The following WDR49 variants were observed in gnomAD, a reference collection of about 807,000 sequenced individuals.
WDR49 encodes WD repeat domain 49, also known as cilia- and flagella-associated protein 337.
A neutral mutation model predicts 119.5 loss-of-function variants in WDR49; 107 were observed. The observed-to-expected ratio is 0.90, with a 90% CI of 0.77 to 1.05. The LOEUF (loss-of-function observed/expected upper bound fraction) is 1.05. WDR49 is among the 50% of genes least tolerant of loss of function. WDR49 has a pLI of 0.00. For missense variants in WDR49, 1,240 were observed against 1,220.5 expected (o/e 1.02, Z -0.24); for synonymous variants, 425 against 418.8 (o/e 1.01, Z -0.18).
intron 18 of WDR49, among the ~76,000 whole-genome samples, chr3:167,480,978 C>T (rs968027129): frequency 4.6e-5 from 7 of 151,292 alleles, no homozygotes; most frequent in African/African-American, 1.2e-4. Flanking sequence ...TTTGCTAAAG[C>T]AGTCTGTCCC....
At chr3:167,490,756 T>C (rs1441664821) in intron 18 of WDR49, among the ~76,000 whole-genome samples, 1 of 152,084 alleles carries the variant, frequency 6.6e-6, no homozygotes, top group Non-Finnish European at 1.5e-5. Context: ...TTTTGAACTA[T>C]TTTTGCCCCT....
chr3:167,483,213 T>C (rs554159824), intron 18 of WDR49, among the ~76,000 whole-genome samples: 2 of 152,354 alleles, frequency 1.3e-5, no homozygotes, highest in South Asian at 4.1e-4. Context: ...ATAATGTGGA[T>C]AACTGTACAT....
chr3:167,506,198 C>T (rs1309133774), intron 16 of WDR49, among the ~76,000 whole-genome samples: 1 of 152,150 alleles, frequency 6.6e-6, no homozygotes, highest in Non-Finnish European at 1.5e-5. Context: ...TTATAGTTAA[C>T]CATTCTTCCA....
intron 10 of WDR49, among the ~76,000 whole-genome samples, chr3:167,547,620 A>G (rs990225600): frequency 1.3e-5 from 2 of 151,686 alleles, no homozygotes; most frequent in Admixed American, 1.3e-4. Context: ...GAAAAGGAAG[A>G]AATGAAACTG....
Position 167,576,010 on chromosome 3 carries a change from C to T in WDR49, c.1417G>A (p.Ala473Thr), listed in dbSNP as rs772780273. The change falls in exon 8 of 19, where the codon GCA becomes ACA. Residue 473 changes from alanine to threonine, a missense_variant. Physicochemically the swap from Ala to Thr is moderately conservative, Grantham distance 58 (BLOSUM62 0). Transcript: ENST00000682715. ...RLFISFNNQL[A>T]LLAMKSEASK... ...GCTTCACTTTTCATTGCCAACAATG[C>T]TAGCTGGTTATTAAACGAGATGAAA... 1.2e-6 allele frequency: 2 copies of T among 1,614,108 alleles called. No individual in the cohort carries two copies. The highest frequency in any genetic ancestry group is 1.7e-5 in the Admixed American group (1 of 60,026).
At position 167,562,746 on chromosome 3, in the gene WDR49, A is replaced by G. The variant is rs186513060; in HGVS notation, c.1510-2518T>C. The stretch of plus-strand genomic sequence containing the variant: ...TTGAATGTCAGCTGCCTCACTAACT[A>G]TTGTTCTACCTCGGACATTAAGGGC... On this transcript the variant is annotated intron_variant, in intron 8 of 18. Transcript: ENST00000682715. Among the ~76,000 whole-genome samples the G allele has an allele frequency of 9.3e-4, 142 of 152,304 alleles. 2 individuals are homozygous for G. The highest frequency in any genetic ancestry group is 1.0e-4 in the Non-Finnish European group (7 of 68,018).
At chr3:167,513,995 C>G (rs1175925281) in intron 16 of WDR49, among the ~76,000 whole-genome samples, 1 of 152,166 alleles carries the variant, frequency 6.6e-6, no homozygotes, top group Non-Finnish European at 1.5e-5. Context: ...GACTTAGACT[C>G]CCACACAATC....
Position 167,531,187 on chromosome 3 carries a change from T to C in WDR49, c.2146A>G (p.Ile716Val), listed in dbSNP as rs1304833566. The C allele has an allele frequency of 1.2e-6, 2 of 1,612,106 alleles. No individual in the cohort carries two copies. The highest frequency in any genetic ancestry group is 4.5e-5 in the East Asian group (2 of 44,856). ...HSTTGVRNFE[I>V]DTEGKNAVMR... ...ACAGCATTTTTGCCCTCAGTGTCAATCTCAAAGTTGCGGACTCCCGTGGTA... is the reference window on the plus strand; with the variant it reads ...ACAGCATTTTTGCCCTCAGTGTCAACCTCAAAGTTGCGGACTCCCGTGGTA... The change falls in exon 13 of 19, where the codon ATT (isoleucine) becomes GTT (valine). Residue 716 changes from isoleucine to valine, a missense_variant. Coordinates refer to ENST00000682715, the MANE Select transcript of WDR49 (RefSeq NM_001366157.1).
chr3:167,608,117 G>A (rs550423454), intron 5 of WDR49, among the ~76,000 whole-genome samples: 67 of 152,244 alleles, frequency 4.4e-4, no homozygotes, highest in African/African-American at 1.6e-3. Flanking sequence ...TGTACTAGAA[G>A]TTCCAATAGT....
intron 8 of WDR49, among the ~76,000 whole-genome samples, chr3:167,568,370 C>G (rs1315942552): frequency 1.3e-5 from 2 of 152,120 alleles, no homozygotes; most frequent in Admixed American, 6.5e-5. Flanking sequence ...ATAATAACTG[C>G]TCATTCTCTA....
chr3:167,650,484 G>T (rs538977086), intron 2 of WDR49, among the ~76,000 whole-genome samples: 1 of 152,136 alleles, frequency 6.6e-6, no homozygotes, highest in Non-Finnish European at 1.5e-5. Flanking sequence ...TTCTACCCAG[G>T]TAACTTATTT....
At chr3:167,499,035 G>A (rs900995448) in intron 18 of WDR49, among the ~76,000 whole-genome samples, 7 of 152,096 alleles carry the variant, frequency 4.6e-5, no homozygotes, top group Non-Finnish European at 1.0e-4. Context: ...AGAGAAATGA[G>A]TAGAAACCAT....
At chr3:167,603,002 C>T (rs1199257850) in intron 6 of WDR49, among the ~76,000 whole-genome samples, 2 of 152,108 alleles carry the variant, frequency 1.3e-5, no homozygotes, top group Admixed American at 6.6e-5. Context: ...CTCTATGATG[C>T]TCACACAATG....
At chr3:167,647,336 G>A (rs764380453) in intron 2 of WDR49, among the ~76,000 whole-genome samples, 1 of 152,140 alleles carries the variant, frequency 6.6e-6, no homozygotes, top group African/African-American at 2.4e-5. Flanking sequence ...ATTAATTTTT[G>A]TAAGTGCCTG....
chr3:167,479,135 A>AT (rs1473094250), intron 18 of WDR49, 139 bp from the exon 19 acceptor site: 1 of 640,960 alleles, frequency 1.6e-6, no homozygotes, highest in Non-Finnish European at 2.6e-6. Flanking sequence ...ATTTGGAAAA[A>AT]TTTTCTCTAA....
intron 2 of WDR49, among the ~76,000 whole-genome samples, chr3:167,633,791 G>T (rs1382705899): frequency 6.6e-6 from 1 of 151,742 alleles, no homozygotes; most frequent in Non-Finnish European, 1.5e-5. Flanking sequence ...CATAACATTT[G>T]TATTCCCTTA....
chr3:167,573,476 G>T (rs1714060176), intron 8 of WDR49, among the ~76,000 whole-genome samples: 2 of 150,414 alleles, frequency 1.3e-5, no homozygotes, highest in Admixed American at 1.3e-4. Context: ...TACCATATTA[G>T]ATATTTATAG....
intron 18 of WDR49, among the ~76,000 whole-genome samples, chr3:167,487,748 T>C (rs1444373156): frequency 6.6e-6 from 1 of 151,956 alleles, no homozygotes; most frequent in African/African-American, 2.4e-5. Flanking sequence ...AAAGAAGACA[T>C]ACAAGTGGCC....
At chr3:167,621,887 C>G (rs1716891452) in intron 3 of WDR49, among the ~76,000 whole-genome samples, 1 of 152,100 alleles carries the variant, frequency 6.6e-6, no homozygotes, top group African/African-American at 2.4e-5. Context: ...CTATTCCACA[C>G]AGTCACCAAC....
Sources: allele counts gnomAD v4.1 joint callset (sites outside exome capture counted in the v4.1 genomes callset), GRCh38; gene constraint gnomAD v4.1.1; transcripts MANE v1.5; gene names NCBI Gene and HGNC (gene_info 2026-07-23, HGNC 2026-07-21).